Variants in ESRRG observed in about 807,000 individuals in gnomAD.
ESRRG encodes the protein estrogen related receptor gamma.
A neutral mutation model predicts 44.0 loss-of-function variants in ESRRG; 13 were observed. That is an observed-to-expected ratio of 0.30 (90% CI 0.19 to 0.47). The LOEUF (loss-of-function observed/expected upper bound fraction) is 0.47, where lower values mean the gene tolerates loss of function less well. Among genes scored for constraint, ESRRG ranks in the 20% least tolerant of loss-of-function variants. The probability of loss-of-function intolerance (pLI) is 1.00; values close to 1 mark genes in which losing one functional copy is unlikely to be tolerated. For missense variants in ESRRG, 395 were observed against 580.6 expected, an observed-to-expected ratio of 0.68 and a Z score of 3.29; for synonymous variants, 215 against 214.6, an observed-to-expected ratio of 1.00 and a Z score of -0.02.
chr1:216,779,825 A>G (rs2093858021), intron 2 of ESRRG, among the ~76,000 whole-genome samples: 1 of 151,440 alleles, frequency 6.6e-6, no homozygotes, highest in Admixed American at 6.6e-5. Flanking sequence ...GTATTTGGGG[A>G]ATGACCTTGG....
At chr1:216,631,636 G>A (rs2064202042) in intron 3 of ESRRG, among the ~76,000 whole-genome samples, 2 of 151,936 alleles carry the variant, frequency 1.3e-5, no homozygotes, top group South Asian at 4.1e-4. Flanking sequence ...TTCCTCAAAA[G>A]GGATATATGT....
intron 3 of ESRRG, among the ~76,000 whole-genome samples, chr1:216,631,800 T>A (rs983289995): frequency 6.6e-6 from 1 of 152,140 alleles, no homozygotes; most frequent in Non-Finnish European, 1.5e-5. Context: ...TCTTTGTGAA[T>A]ACTAGTGTCT....
chr1:216,613,271 T>A (rs2060922054), intron 3 of ESRRG, among the ~76,000 whole-genome samples: 1 of 152,210 alleles, frequency 6.6e-6, no homozygotes, highest in Non-Finnish European at 1.5e-5. Context: ...ATAAGAATAT[T>A]ATTGTAATGG....
At chr1:216,591,639 C>T (rs2057685807) in intron 3 of ESRRG, among the ~76,000 whole-genome samples, 2 of 152,120 alleles carry the variant, frequency 1.3e-5, no homozygotes, top group South Asian at 2.1e-4. Context: ...ATGGAACATA[C>T]AAAACCAGCC....
chr1:216,686,617 C>A (rs1203167271), intron 1 of ESRRG, among the ~76,000 whole-genome samples: 1 of 147,406 alleles, frequency 6.8e-6, no homozygotes, highest in Non-Finnish European at 1.5e-5. Context: ...AAATGCCATT[C>A]TAAAAAATCA....
rs537513016 is a variant in ESRRG, at chr1:216,561,504, A to G, written c.862+2715T>C. On this transcript the variant is annotated intron_variant, in intron 5 of 6. Transcript: ENST00000408911. ...AGGATTGGTTCATGTTATCAAGAACACAATTTCACTTTTATCGAGGCAGAA... is the reference window on the plus strand; with the variant it reads ...AGGATTGGTTCATGTTATCAAGAACGCAATTTCACTTTTATCGAGGCAGAA... 2.3e-4 allele frequency among the ~76,000 whole-genome samples: 35 copies of G among 152,284 alleles called. 1 individual carries two copies. In the South Asian group the frequency reaches 4.1e-3, roughly 18 times the overall value.
At chr1:217,019,012 T>A (rs934604627) in intron 1 of ESRRG, among the ~76,000 whole-genome samples, 14 of 152,156 alleles carry the variant, frequency 9.2e-5, no homozygotes, top group South Asian at 2.1e-4. Flanking sequence ...TTCCTATAAC[T>A]TTTCATCAAA....
At chr1:216,511,910 T>C (rs2042840212) in intron 6 of ESRRG, among the ~76,000 whole-genome samples, 1 of 152,218 alleles carries the variant, frequency 6.6e-6, no homozygotes, top group Non-Finnish European at 1.5e-5. Context: ...CATGTGTTTA[T>C]AATTTTTTTC....
chr1:216,776,287 C>T (rs879677639), intron 2 of ESRRG, among the ~76,000 whole-genome samples: 6 of 152,054 alleles, frequency 3.9e-5, no homozygotes, highest in East Asian at 1.9e-4. Flanking sequence ...TTTGCACATA[C>T]GGCAACCACT....
chr1:216,750,768 A>T (rs75858584), intron 2 of ESRRG, among the ~76,000 whole-genome samples: 5,736 of 86,714 alleles, frequency 0.066, 349 homozygotes, highest in African/African-American at 0.18. Flanking sequence ...ACCTTTTTTT[A>T]AAAAAAAACT....
In ESRRG at chr1:216,957,392, G is replaced by C. The variant is rs181338442; in HGVS notation, c.-105-17719C>G. On this transcript the variant is annotated intron_variant, in intron 1 of 7. Transcript: ENST00000359162. Reference sequence around the variant, plus strand: ...TCTTCCTACTCAGCACATTTATTTGGATCGAATATGCATATTTGTCTAATA... The same window carrying C: ...TCTTCCTACTCAGCACATTTATTTGCATCGAATATGCATATTTGTCTAATA... 6.3e-3 allele frequency among the ~76,000 whole-genome samples: 954 copies of C among 152,164 alleles called. 7 individuals carry two copies. Among genetic ancestry groups the C allele is most frequent in the Middle Eastern group, 0.014 (4 of 294 alleles).
chr1:216,603,911 C>A (rs948828746), intron 3 of ESRRG, among the ~76,000 whole-genome samples: 2 of 140,154 alleles, frequency 1.4e-5, no homozygotes, highest in East Asian at 4.1e-4. Flanking sequence ...CCAGCCTGGG[C>A]GACAGAGACT....
chr1:216,639,983 G>A (rs1346399324), intron 3 of ESRRG, among the ~76,000 whole-genome samples: 3 of 152,134 alleles, frequency 2.0e-5, no homozygotes, highest in Non-Finnish European at 4.4e-5. Context: ...TCTTCTAATG[G>A]CATGATTCAT....
chr1:216,601,500 G>A (rs1476489948), intron 3 of ESRRG, among the ~76,000 whole-genome samples: 8 of 152,200 alleles, frequency 5.3e-5, no homozygotes, highest in Admixed American at 5.2e-4. Context: ...TCCTTGTCGC[G>A]AGTTGTCTTG....
At position 217,096,192 on chromosome 1, in the gene ESRRG, T is replaced by C. The variant is rs1365677185; in HGVS notation, c.-230+41475A>G. Among the ~76,000 whole-genome samples, 3 of 152,216 alleles carry C rather than the reference T, an allele frequency of 2.0e-5. No individual in the cohort carries two copies. In the East Asian group the frequency reaches 5.8e-4, roughly 29 times the overall value. The stretch of plus-strand genomic sequence containing the variant: ...TCCACCTCAGAATTTTATTTTACAT[T>C]GTGGGTTTTCTGGAGTTCTTGCATT... On this transcript the variant is annotated intron_variant, in intron 1 of 8. Coordinates refer to the ESRRG transcript ENST00000366940.
At chr1:217,082,958 C>G (rs1222013962) in intron 1 of ESRRG, among the ~76,000 whole-genome samples, 1 of 152,206 alleles carries the variant, frequency 6.6e-6, no homozygotes, top group Non-Finnish European at 1.5e-5. Flanking sequence ...GCAATCATTT[C>G]TGTCTCTTTT....
chr1:216,595,875 A>C (rs536146560), intron 3 of ESRRG, among the ~76,000 whole-genome samples: 14 of 152,380 alleles, frequency 9.2e-5, no homozygotes, highest in African/African-American at 2.9e-4. Flanking sequence ...TAGGACTTTA[A>C]GAATAAAACT....
At chr1:216,757,225 A>T (rs912209522) in intron 2 of ESRRG, among the ~76,000 whole-genome samples, 1 of 151,970 alleles carries the variant, frequency 6.6e-6, no homozygotes, top group Non-Finnish European at 1.5e-5. Context: ...TATTTATAAG[A>T]TATCTACTCT....
intron 5 of ESRRG, among the ~76,000 whole-genome samples, chr1:216,523,423 C>T (rs760967111): frequency 3.3e-5 from 5 of 151,770 alleles, no homozygotes; most frequent in African/African-American, 9.7e-5. Context: ...TTGTGCCAAC[C>T]GTCTTGCCTT....
Sources: gnomAD v4.1 joint callset for allele counts (sites outside exome capture counted in the v4.1 genomes callset) on GRCh38, gnomAD v4.1.1 for gene constraint, MANE v1.5 for transcripts, NCBI Gene and HGNC (gene_info 2026-07-23, HGNC 2026-07-21) for gene names.